KLF12: variants seen among roughly 807,000 people sequenced by gnomAD.
KLF12 encodes the protein KLF transcription factor 12, also known as Krueppel-like factor 12.
In KLF12, 9 loss-of-function variants were observed where a neutral mutation model predicts 37.8. The observed-to-expected ratio is 0.24, with a 90% CI of 0.14 to 0.42. The LOEUF (loss-of-function observed/expected upper bound fraction) is 0.42, where lower values mean the gene tolerates loss of function less well. Among genes scored for constraint, KLF12 ranks in the 10% least tolerant of loss-of-function variants. The pLI, the probability that KLF12 is intolerant of heterozygous loss-of-function variation, is 1.00. For missense variants in KLF12, 411 were observed against 516.0 expected (o/e 0.80, Z 1.97); for synonymous variants, 208 against 202.1 (o/e 1.03, Z -0.25).
chr13:74,237,403 C>T, the KLF12 span, among the ~76,000 whole-genome samples: 1 of 143,824 alleles, frequency 7.0e-6, no homozygotes, highest in South Asian at 2.1e-4. Flanking sequence ...TCTTTTGGCT[C>T]AGGATTGATT....
At chr13:73,870,837 A>C (rs1886428560) in intron 3 of KLF12, among the ~76,000 whole-genome samples, 1 of 151,912 alleles carries the variant, frequency 6.6e-6, no homozygotes, top group Admixed American at 6.6e-5. Context: ...GGGGCCTTCT[A>C]CTCTCCAGAT....
In KLF12 at chr13:73,708,148, AT is replaced by A. The variant is rs368417950; in HGVS notation, c.1027+7219del. ...TTGCTTAATATTTTTAAGTGTCTAT[AT>A]GAATAAACTTCCTTAATGTACAAAA... On this transcript the variant is annotated intron_variant, in intron 7 of 7. Transcript: ENST00000377669. Among the ~76,000 whole-genome samples, 1,080 of 152,310 alleles carry A rather than the reference AT, an allele frequency of 7.1e-3. 7 individuals are homozygous for A. Among genetic ancestry groups the A allele is most frequent in the Middle Eastern group, 0.048 (14 of 294 alleles).
the KLF12 span, among the ~76,000 whole-genome samples, chr13:74,302,898 A>G: frequency 6.6e-6 from 1 of 152,118 alleles, no homozygotes; most frequent in African/African-American, 2.4e-5. Context: ...ACCATGATCC[A>G]TGCCTTGGGT....
the KLF12 span, among the ~76,000 whole-genome samples, chr13:74,225,808 C>T: frequency 2.5e-4 from 38 of 152,224 alleles, no homozygotes; most frequent in Admixed American, 1.8e-3. Context: ...GTGATTTTTT[C>T]ATATGTGTCT....
the KLF12 span, among the ~76,000 whole-genome samples, chr13:74,291,830 G>A: frequency 1.3e-5 from 2 of 152,078 alleles, no homozygotes; most frequent in Non-Finnish European, 2.9e-5. Context: ...AGATATTTTG[G>A]GCACCCATAC....
the KLF12 span, among the ~76,000 whole-genome samples, chr13:74,285,175 A>G: frequency 6.8e-6 from 1 of 147,896 alleles, no homozygotes; most frequent in Non-Finnish European, 1.5e-5. Context: ...AGCCAGCCCT[A>G]CCTGATTTTT....
the KLF12 span, among the ~76,000 whole-genome samples, chr13:74,293,333 C>T: frequency 4.9e-3 from 745 of 152,238 alleles, 10 homozygotes; most frequent in African/African-American, 0.017. Flanking sequence ...CCCCTTCAAA[C>T]TCCCTCAAAA....
At chr13:73,956,541 C>A (rs1019751467) in intron 2 of KLF12, among the ~76,000 whole-genome samples, 1 of 152,134 alleles carries the variant, frequency 6.6e-6, no homozygotes, top group Admixed American at 6.5e-5. Context: ...CAGAAATAGC[C>A]AAATGTTGCA....
chr13:74,253,313 A>G, the KLF12 span, among the ~76,000 whole-genome samples: 18 of 152,198 alleles, frequency 1.2e-4, no homozygotes, highest in African/African-American at 4.3e-4. Context: ...ACTATTACCA[A>G]CAAGACTGCA....
the KLF12 span, among the ~76,000 whole-genome samples, chr13:74,303,582 T>A: frequency 1.3e-5 from 2 of 152,122 alleles, no homozygotes; most frequent in Non-Finnish European, 2.9e-5. Flanking sequence ...TTTGATGAAA[T>A]GGAAAGTGAA....
intron 5 of KLF12, among the ~76,000 whole-genome samples, chr13:73,789,524 G>A (rs1881539331): frequency 6.6e-6 from 1 of 152,052 alleles, no homozygotes; most frequent in Admixed American, 6.5e-5. Flanking sequence ...CCCAGGGTAA[G>A]ACCACGCAAA....
At chr13:73,860,046 G>T (rs192675283) in intron 3 of KLF12, among the ~76,000 whole-genome samples, 23 of 152,308 alleles carry the variant, frequency 1.5e-4, no homozygotes, top group African/African-American at 5.3e-4. Context: ...TAAGTGAGAA[G>T]AAATGCAGTG....
chr13:73,848,592 A>G (rs1308721051), intron 3 of KLF12, among the ~76,000 whole-genome samples: 1 of 148,358 alleles, frequency 6.7e-6, no homozygotes, highest in African/African-American at 2.4e-5. Context: ...CATATTATAT[A>G]TAATACATAT....
intron 1 of KLF12, among the ~76,000 whole-genome samples, chr13:74,082,689 A>G (rs1312605566): frequency 6.6e-6 from 1 of 152,198 alleles, no homozygotes; most frequent in Non-Finnish European, 1.5e-5. Flanking sequence ...TATTTCTGGC[A>G]AAAGGGCAGG....
the KLF12 span, among the ~76,000 whole-genome samples, chr13:74,226,349 G>T: frequency 2.0e-5 from 3 of 152,138 alleles, no homozygotes; most frequent in Non-Finnish European, 4.4e-5. Context: ...AATAGAAGGT[G>T]TCTTTGGAAT....
At chr13:74,157,461 A>G in the KLF12 span, among the ~76,000 whole-genome samples, 1 of 152,184 alleles carries the variant, frequency 6.6e-6, no homozygotes, top group Non-Finnish European at 1.5e-5. Flanking sequence ...ATGTTACCCT[A>G]GACTTAACGG....
At chr13:73,868,425 G>A (rs1014816878) in intron 3 of KLF12, among the ~76,000 whole-genome samples, 1 of 150,914 alleles carries the variant, frequency 6.6e-6, no homozygotes, top group Admixed American at 6.6e-5. Context: ...GAGTCTCACT[G>A]TCACCCCCAG....
At chr13:74,284,622 C>T in the KLF12 span, among the ~76,000 whole-genome samples, 1 of 152,114 alleles carries the variant, frequency 6.6e-6, no homozygotes, top group East Asian at 1.9e-4. Context: ...TGGCTGTGCT[C>T]AACTTGCTTC....
the KLF12 span, among the ~76,000 whole-genome samples, chr13:74,225,744 T>G: frequency 6.6e-6 from 1 of 152,178 alleles, no homozygotes; most frequent in Non-Finnish European, 1.5e-5. Flanking sequence ...AACAATGTGC[T>G]CTATGGATAT....
Sources: allele counts gnomAD v4.1 joint callset (sites outside exome capture counted in the v4.1 genomes callset), GRCh38; gene constraint gnomAD v4.1.1; transcripts MANE v1.5; gene names NCBI Gene and HGNC (gene_info 2026-07-23, HGNC 2026-07-21).